KIAA1958: variants seen among roughly 807,000 people sequenced by gnomAD.
KIAA1958 encodes the protein uncharacterized protein KIAA1958.
KIAA1958 carries 14 observed loss-of-function variants against 47.2 expected under a neutral mutation model. That is an observed-to-expected ratio of 0.30 (90% CI 0.20 to 0.46). KIAA1958 has a LOEUF of 0.46. Ranked by LOEUF, KIAA1958 falls within the 20% of genes least tolerant of loss-of-function variation. The pLI is 1.00. For missense variants in KIAA1958, 803 were observed against 909.2 expected (o/e 0.88, Z 1.50); for synonymous variants, 354 against 353.3 (o/e 1.00, Z -0.02).
At chr9:112,505,864 G>C (rs1437712081) in intron 1 of KIAA1958, among the ~76,000 whole-genome samples, 1 of 152,180 alleles carries the variant, frequency 6.6e-6, no homozygotes, top group African/African-American at 2.4e-5. Flanking sequence ...CTTTGTGAGT[G>C]TATAGGTCAG....
intron 1 of KIAA1958, among the ~76,000 whole-genome samples, chr9:112,546,516 G>T (rs1440421493): frequency 6.6e-6 from 1 of 151,160 alleles, no homozygotes; most frequent in African/African-American, 2.4e-5. Context: ...TCACTCTGTT[G>T]CCCAGGCTGG....
chr9:112,540,239 G>A (rs1285449253), intron 1 of KIAA1958, among the ~76,000 whole-genome samples: 1 of 152,148 alleles, frequency 6.6e-6, no homozygotes, highest in African/African-American at 2.4e-5. Context: ...GATTCGAGGG[G>A]AAGGAGGTAG....
chr9:112,509,881 A>G (rs1834293964), intron 1 of KIAA1958, among the ~76,000 whole-genome samples: 1 of 152,168 alleles, frequency 6.6e-6, no homozygotes, highest in South Asian at 2.1e-4. Flanking sequence ...AATTATGTGG[A>G]ATAGCTCCAA....
intron 2 of KIAA1958, among the ~76,000 whole-genome samples, chr9:112,599,831 A>G (rs945583443): frequency 1.3e-5 from 2 of 152,252 alleles, no homozygotes; most frequent in Admixed American, 1.3e-4. Flanking sequence ...AGCAGCAGAT[A>G]TTTCAGACAT....
At chr9:112,492,564 C>A (rs553771992) in intron 1 of KIAA1958, among the ~76,000 whole-genome samples, 1 of 152,290 alleles carries the variant, frequency 6.6e-6, no homozygotes, top group East Asian at 1.9e-4. Flanking sequence ...TATGTACATA[C>A]ATACCTCACT....
intron 1 of KIAA1958, among the ~76,000 whole-genome samples, chr9:112,548,932 C>T (rs10156667): frequency 0.95 from 145,375 of 152,296 alleles, 69,457 homozygotes; most frequent in African/African-American, 0.99. Flanking sequence ...TGTGAAGACA[C>T]CAGAAGAAGA....
At position 112,604,416 on chromosome 9, in the gene KIAA1958, G is replaced by A. The variant is rs147134513; in HGVS notation, c.1171+29165G>A. Among the ~76,000 whole-genome samples, 5 of 152,296 alleles carry A rather than the reference G, an allele frequency of 3.3e-5. No individual in the cohort carries two copies. In the East Asian group the frequency reaches 9.7e-4, roughly 29 times the overall value. ...ACTGAAGGCTCATTTTCACTGTGCT[G>A]GATTTTGTGGGATGGCTTCTCCTTT... On this transcript the variant is annotated intron_variant, in intron 2 of 3. Coordinates refer to ENST00000337530, the MANE Select transcript of KIAA1958 (RefSeq NM_133465.4).
chr9:112,559,148 A>T (rs760668843), intron 1 of KIAA1958, among the ~76,000 whole-genome samples: 1 of 152,194 alleles, frequency 6.6e-6, no homozygotes, highest in Non-Finnish European at 1.5e-5. Flanking sequence ...CTACGTAGAC[A>T]TGTGAAGGAT....
At chr9:112,540,514 T>A (rs920426996) in intron 1 of KIAA1958, among the ~76,000 whole-genome samples, 15 of 152,168 alleles carry the variant, frequency 9.9e-5, no homozygotes, top group Non-Finnish European at 2.2e-4. Flanking sequence ...TAATAAAAAA[T>A]CGGGGGTAAA....
At chr9:112,500,190 CT>C (rs1834110937) in intron 1 of KIAA1958, among the ~76,000 whole-genome samples, 1 of 151,876 alleles carries the variant, frequency 6.6e-6, no homozygotes, top group South Asian at 2.1e-4. Context: ...CAACCTTCAC[CT>C]CCTGGTTCCA....
In KIAA1958 at chr9:112,556,032, G is replaced by A. The variant is rs147932021; in HGVS notation, c.-24-18025G>A. Among the ~76,000 whole-genome samples, 36 of 152,198 alleles carry A rather than the reference G, an allele frequency of 2.4e-4. No individual in the cohort carries two copies. The East Asian group carries it at 6.7e-3, about 29-fold the overall frequency. The stretch of plus-strand genomic sequence containing the variant: ...ACAGAGATTGCAGTGAGCCAAGATC[G>A]CACCATTGCACACTCCAGCCTGGGG... On this transcript the variant is annotated intron_variant, in intron 1 of 3. Coordinates refer to ENST00000337530, the MANE Select transcript of KIAA1958 (RefSeq NM_133465.4).
intron 1 of KIAA1958, among the ~76,000 whole-genome samples, chr9:112,537,183 G>A (rs1834869582): frequency 6.6e-6 from 1 of 151,370 alleles, no homozygotes; most frequent in Non-Finnish European, 1.5e-5. Flanking sequence ...TTGGCTCCCT[G>A]GAACCTCTGC....
intron 2 of KIAA1958, among the ~76,000 whole-genome samples, chr9:112,626,459 A>G (rs1836611702): frequency 6.6e-6 from 1 of 152,132 alleles, no homozygotes; most frequent in Non-Finnish European, 1.5e-5. Context: ...CATTTTTACC[A>G]TTTATACATT....
In KIAA1958 at chr9:112,631,534, G is replaced by GA. The variant is rs57805823; in HGVS notation, c.1172-14094dup. 1.6e-3 allele frequency among the ~76,000 whole-genome samples: 161 copies of GA among 98,292 alleles called. 1 individual carries two copies. The highest frequency in any genetic ancestry group is 0.011 in the Middle Eastern group (2 of 188). 64.5% of individuals were successfully genotyped at this position (98,292 alleles called of 152,430 possible). A position where few individuals can be genotyped will look rare whatever the true frequency, so the allele number is the denominator to read the frequency against. On this transcript the variant is annotated intron_variant, in intron 2 of 3. Coordinates refer to ENST00000337530, the MANE Select transcript of KIAA1958 (RefSeq NM_133465.4). ...GAATAGAGCAAGAGCCTCTCTCAAA[G>GA]AAAAAAAAAAAAAAAAAAAAAAGGA...
At chr9:112,524,983 T>C (rs1200199904) in intron 1 of KIAA1958, among the ~76,000 whole-genome samples, 1 of 152,134 alleles carries the variant, frequency 6.6e-6, no homozygotes, top group African/African-American at 2.4e-5. Context: ...CAGAATAGGC[T>C]CAGTGAGATT....
intron 2 of KIAA1958, among the ~76,000 whole-genome samples, chr9:112,641,124 T>G (rs1414673753): frequency 6.6e-6 from 1 of 152,132 alleles, no homozygotes; most frequent in African/African-American, 2.4e-5. Context: ...ACCCTGTATC[T>G]TCCCCTTTGT....
chr9:112,555,962 C>G (rs777641048), intron 1 of KIAA1958, among the ~76,000 whole-genome samples: 1 of 152,096 alleles, frequency 6.6e-6, no homozygotes, highest in Non-Finnish European at 1.5e-5. Context: ...ATAATCCCAG[C>G]TACTTTGGAG....
intron 1 of KIAA1958, among the ~76,000 whole-genome samples, chr9:112,487,957 GT>G (rs1833897435): frequency 6.6e-6 from 1 of 151,316 alleles, no homozygotes; most frequent in South Asian, 2.1e-4. Context: ...GTGTGTGTGT[GT>G]GTGTGTGTGT....
intron 1 of KIAA1958, 80 bp from the exon 2 acceptor site, chr9:112,573,977 A>C: frequency 1.3e-6 from 1 of 754,292 alleles, no homozygotes; most frequent in Non-Finnish European, 2.1e-6. Context: ...AAATGATCAT[A>C]TTTGGAACAA....
Sources: allele counts gnomAD v4.1 joint callset (sites outside exome capture counted in the v4.1 genomes callset), GRCh38; gene constraint gnomAD v4.1.1; transcripts MANE v1.5; gene names NCBI Gene and HGNC (gene_info 2026-07-23, HGNC 2026-07-21).